The following DAB1 variants were observed in gnomAD, a reference collection of about 807,000 sequenced individuals.
DAB1 encodes the protein DAB adaptor protein 1, also known as disabled homolog 1.
Under a neutral mutation model 64.6 loss-of-function variants are expected in DAB1, and 15 were observed. The ratio of observed to expected loss-of-function variants is 0.23; its 90% confidence interval spans 0.16 to 0.36. The LOEUF (loss-of-function observed/expected upper bound fraction) is 0.36. DAB1 is among the 10% of genes least tolerant of loss of function. The pLI is 1.00. For missense variants in DAB1, 596 were observed against 706.7 expected (o/e 0.84, Z 1.78); for synonymous variants, 235 against 251.9 (o/e 0.93, Z 0.64).
At chr1:57,174,393 T>C (rs17115240) in intron 2 of DAB1, among the ~76,000 whole-genome samples, 13,632 of 152,174 alleles carry the variant, frequency 0.09, 687 homozygotes, top group Middle Eastern at 0.11. Context: ...CTAAGCAATA[T>C]AGAAAAGAGA....
At chr1:57,898,403 C>T (rs928548268) in intron 5 of DAB1, among the ~76,000 whole-genome samples, 1 of 152,062 alleles carries the variant, frequency 6.6e-6, no homozygotes, top group Non-Finnish European at 1.5e-5. Flanking sequence ...TTCACTTGTA[C>T]TTGAGAAAGC....
chr1:57,503,131 G>T (rs1000098789), intron 7 of DAB1, among the ~76,000 whole-genome samples: 1 of 152,176 alleles, frequency 6.6e-6, no homozygotes, highest in African/African-American at 2.4e-5. Flanking sequence ...GATGAATGCT[G>T]CTACAATAAA....
At chr1:58,065,955 G>A (rs6698482) in intron 5 of DAB1, among the ~76,000 whole-genome samples, 34,503 of 152,094 alleles carry the variant, frequency 0.23, 4,047 homozygotes, top group Non-Finnish European at 0.25. Context: ...GGCAATCCCA[G>A]GGAAGGTTAG....
At chr1:58,242,242 T>G (rs1027329599) in intron 4 of DAB1, among the ~76,000 whole-genome samples, 1 of 152,076 alleles carries the variant, frequency 6.6e-6, no homozygotes, top group Non-Finnish European at 1.5e-5. Context: ...TATAATGATA[T>G]CATATTTAAA....
At chr1:58,125,613 T>C (rs1553161640) in intron 5 of DAB1, among the ~76,000 whole-genome samples, 6 of 151,904 alleles carry the variant, frequency 3.9e-5, no homozygotes, top group Non-Finnish European at 1.5e-5. Context: ...GGATACTTTT[T>C]AAAAAAATGT....
At chr1:58,506,400 T>C (rs1241411325) in intron 2 of DAB1, among the ~76,000 whole-genome samples, 1 of 152,256 alleles carries the variant, frequency 6.6e-6, no homozygotes, top group African/African-American at 2.4e-5. Flanking sequence ...ACTCGTCATT[T>C]AGCATTAGTT....
At chr1:57,674,231 T>G (rs1380017639) in intron 6 of DAB1, among the ~76,000 whole-genome samples, 5 of 152,182 alleles carry the variant, frequency 3.3e-5, no homozygotes, top group African/African-American at 1.2e-4. Flanking sequence ...AAACTCTTTC[T>G]CATTACAAGT....
At chr1:57,376,689 G>GATGCTTA (rs1203027018) in intron 1 of DAB1, among the ~76,000 whole-genome samples, 1 of 152,190 alleles carries the variant, frequency 6.6e-6, no homozygotes, top group Non-Finnish European at 1.5e-5. Flanking sequence ...TCACACAGTA[G>GATGCTTA]ATGCTTAATA....
intron 7 of DAB1, among the ~76,000 whole-genome samples, chr1:57,591,184 G>A (rs1352763536): frequency 7.9e-5 from 12 of 152,152 alleles, no homozygotes; most frequent in Non-Finnish European, 1.8e-4. Context: ...AGACAGATGT[G>A]GCTGGAATTC....
At chr1:57,181,385 CACAG>C (rs1211258280) in intron 2 of DAB1, among the ~76,000 whole-genome samples, 2 of 152,216 alleles carry the variant, frequency 1.3e-5, no homozygotes, top group Non-Finnish European at 2.9e-5. Context: ...GTCTGCTTTA[CACAG>C]ACCTGATAAT....
intron 2 of DAB1, among the ~76,000 whole-genome samples, chr1:57,160,247 C>A (rs528163661): frequency 1.3e-5 from 2 of 152,148 alleles, no homozygotes; most frequent in African/African-American, 4.8e-5. Context: ...ACAGAATAGG[C>A]TTTAAACAAT....
chr1:57,109,771 C>T (rs750177765), intron 4 of DAB1, among the ~76,000 whole-genome samples: 10 of 152,088 alleles, frequency 6.6e-5, no homozygotes, highest in African/African-American at 1.9e-4. Flanking sequence ...AAAACATACC[C>T]GGCACATAGT....
chr1:57,115,792 G>A (rs1656056199), intron 4 of DAB1, among the ~76,000 whole-genome samples: 1 of 152,164 alleles, frequency 6.6e-6, no homozygotes, highest in Admixed American at 6.5e-5. Context: ...AGCCCTGGCT[G>A]TGCTTTGGGT....
At chr1:57,532,547 C>T (rs959034030) in intron 7 of DAB1, among the ~76,000 whole-genome samples, 2 of 152,182 alleles carry the variant, frequency 1.3e-5, no homozygotes, top group Non-Finnish European at 2.9e-5. Flanking sequence ...GCAAAGCATT[C>T]GCAGATAATT....
chr1:57,812,028 A>G (rs886399456), intron 6 of DAB1, among the ~76,000 whole-genome samples: 9 of 152,192 alleles, frequency 5.9e-5, no homozygotes, highest in African/African-American at 2.2e-4. Flanking sequence ...GTTCCCACCT[A>G]GCCTCTGAAG....
chr1:58,496,359 G>A (rs1399006053), intron 3 of DAB1, among the ~76,000 whole-genome samples: 4 of 152,088 alleles, frequency 2.6e-5, no homozygotes, highest in African/African-American at 4.8e-5. Context: ...TTGTAAAGTC[G>A]TTCTTTCAGA....
At chr1:58,355,195 C>T (rs1644098388) in intron 3 of DAB1, among the ~76,000 whole-genome samples, 1 of 152,184 alleles carries the variant, frequency 6.6e-6, no homozygotes, top group African/African-American at 2.4e-5. Flanking sequence ...GAAGCAAACA[C>T]ACAACTCAAC....
chr1:58,324,777 G>C (rs767688911), intron 4 of DAB1, among the ~76,000 whole-genome samples: 2 of 152,082 alleles, frequency 1.3e-5, no homozygotes, highest in Non-Finnish European at 2.9e-5. Context: ...GTGCACGCTG[G>C]GGCCTCCTAC....
intron 4 of DAB1, among the ~76,000 whole-genome samples, chr1:57,101,148 T>G (rs1048670158): frequency 2.6e-5 from 4 of 152,110 alleles, no homozygotes; most frequent in Admixed American, 2.6e-4. Flanking sequence ...GGGTCTGACT[T>G]CTACTCAGGG....
Sources: allele counts gnomAD v4.1 joint callset (sites outside exome capture counted in the v4.1 genomes callset), GRCh38; gene constraint gnomAD v4.1.1; transcripts MANE v1.5; gene names NCBI Gene and HGNC (gene_info 2026-07-23, HGNC 2026-07-21).